Variants in CCSER1 observed in about 807,000 individuals in gnomAD.
The protein encoded by CCSER1 is serine-rich coiled-coil domain-containing protein 1.
CCSER1 carries 41 observed loss-of-function variants against 82.0 expected under a neutral mutation model. The ratio of observed to expected loss-of-function variants is 0.50; its 90% CI spans 0.39 to 0.65. CCSER1 has a LOEUF of 0.65. Ranked by LOEUF, CCSER1 falls within the 30% of genes least tolerant of loss-of-function variation. CCSER1 has a pLI of 0.00. For missense variants in CCSER1, 1,119 were observed against 1,064.2 expected, an observed-to-expected ratio of 1.05 and a Z score of -0.72; for synonymous variants, 414 against 383.9, an observed-to-expected ratio of 1.08 and a Z score of -0.92.
intron 1 of CCSER1, among the ~76,000 whole-genome samples, chr4:90,274,156 C>T (rs1041520389): frequency 3.9e-5 from 6 of 152,066 alleles, no homozygotes; most frequent in Non-Finnish European, 7.4e-5. Context: ...CTGTCTGTCC[C>T]ATCCTCTGAG....
chr4:90,129,690 CAACT>C (rs1560655554), intron 1 of CCSER1, among the ~76,000 whole-genome samples: 1 of 152,252 alleles, frequency 6.6e-6, no homozygotes. Flanking sequence ...CAAAACAAAC[CAACT>C]GTTGTTTGTA....
At chr4:90,704,535 G>A (rs1443178505) in intron 6 of CCSER1, among the ~76,000 whole-genome samples, 1 of 152,128 alleles carries the variant, frequency 6.6e-6, no homozygotes. Context: ...TGCTAGGTTG[G>A]GGAAGTTCTC....
chr4:91,579,246 T>C (rs1163029115), intron 10 of CCSER1, among the ~76,000 whole-genome samples: 1 of 151,668 alleles, frequency 6.6e-6, no homozygotes, highest in Admixed American at 6.6e-5. Context: ...AAAATTTTAT[T>C]TCACATTCAG....
At chr4:91,384,995 T>C (rs1751188053) in intron 10 of CCSER1, among the ~76,000 whole-genome samples, 1 of 151,882 alleles carries the variant, frequency 6.6e-6, no homozygotes, top group African/African-American at 2.4e-5. Flanking sequence ...GAATGAAGAG[T>C]AGTGAAACCC....
At chr4:90,734,945 G>T (rs1745410242) in intron 7 of CCSER1, among the ~76,000 whole-genome samples, 1 of 152,184 alleles carries the variant, frequency 6.6e-6, no homozygotes, top group African/African-American at 2.4e-5. Flanking sequence ...AGCATAAGCT[G>T]TGGGTCTGTC....
At chr4:91,191,407 GTATACT>G (rs1466543928) in intron 10 of CCSER1, among the ~76,000 whole-genome samples, 1 of 152,144 alleles carries the variant, frequency 6.6e-6, no homozygotes, top group Non-Finnish European at 1.5e-5. Context: ...TTGAACATGT[GTATACT>G]TATAACTGCC....
chr4:90,690,657 A>T (rs1735652405), intron 6 of CCSER1, among the ~76,000 whole-genome samples: 1 of 152,034 alleles, frequency 6.6e-6, no homozygotes, highest in Non-Finnish European at 1.5e-5. Flanking sequence ...ATGAGACCAT[A>T]TTCTTTCCTC....
chr4:91,248,069 A>G (rs1044418353), intron 10 of CCSER1, among the ~76,000 whole-genome samples: 3 of 152,168 alleles, frequency 2.0e-5, no homozygotes, highest in Admixed American at 1.3e-4. Context: ...CAACACACAT[A>G]TTGTAGTAAG....
At chr4:90,189,132 G>A (rs1336641253) in intron 1 of CCSER1, among the ~76,000 whole-genome samples, 4 of 152,016 alleles carry the variant, frequency 2.6e-5, no homozygotes, top group Admixed American at 2.0e-4. Flanking sequence ...CTTTGACTGC[G>A]TTTTCATGTA....
intron 9 of CCSER1, among the ~76,000 whole-genome samples, chr4:91,051,981 G>C (rs549165447): frequency 6.6e-6 from 1 of 151,838 alleles, no homozygotes; most frequent in Non-Finnish European, 1.5e-5. Context: ...TAAGCTCAAA[G>C]GAAAAGACAT....
chr4:91,360,105 G>C (rs1207364579), intron 10 of CCSER1, among the ~76,000 whole-genome samples: 1 of 151,760 alleles, frequency 6.6e-6, no homozygotes, highest in Non-Finnish European at 1.5e-5. Context: ...TAATGGTAGT[G>C]TGGCACCATA....
chr4:90,782,576 A>G (rs62313028), intron 7 of CCSER1, among the ~76,000 whole-genome samples: 13 of 152,248 alleles, frequency 8.5e-5, no homozygotes, highest in Non-Finnish European at 1.8e-4. Context: ...AAGGAAATGA[A>G]TGAATTAAAA....
chr4:91,371,622 G>A (rs1297410329), intron 10 of CCSER1, among the ~76,000 whole-genome samples: 5 of 152,090 alleles, frequency 3.3e-5, no homozygotes, highest in Middle Eastern at 6.8e-3. Context: ...ACTGTGGATA[G>A]TGCTTCAATA....
intron 9 of CCSER1, among the ~76,000 whole-genome samples, chr4:90,979,158 T>C (rs1358979438): frequency 6.6e-6 from 1 of 151,258 alleles, no homozygotes; most frequent in Non-Finnish European, 1.5e-5. Context: ...TATATACTTT[T>C]AATTATATTT....
At position 91,433,745 on chromosome 4, in the gene CCSER1, A is replaced by G. The variant is rs142009862; in HGVS notation, c.2218-164827A>G. Among the ~76,000 whole-genome samples the G allele has an allele frequency of 2.8e-3, 426 of 152,320 alleles. 2 individuals carry two copies. The highest frequency in any genetic ancestry group is 9.8e-3 in the African/African-American group (408 of 41,574). ...AAGTACATCTTATGATATGTGCACAACAATGAAATCACCTAACCACGTGTC... is the reference window on the plus strand; with the variant it reads ...AAGTACATCTTATGATATGTGCACAGCAATGAAATCACCTAACCACGTGTC... On this transcript the variant is annotated intron_variant, in intron 10 of 10. Transcript: ENST00000509176.
chr4:90,221,063 C>T (rs1742054602), intron 1 of CCSER1, among the ~76,000 whole-genome samples: 1 of 151,994 alleles, frequency 6.6e-6, no homozygotes, highest in Non-Finnish European at 1.5e-5. Context: ...ATCTTTATGT[C>T]ATTTAATAAG....
intron 10 of CCSER1, among the ~76,000 whole-genome samples, chr4:91,520,791 T>C (rs1760416690): frequency 6.6e-6 from 1 of 152,192 alleles, no homozygotes; most frequent in Non-Finnish European, 1.5e-5. Context: ...GCTGTCCTGT[T>C]ATTTGTAAGA....
chr4:91,580,221 A>G (rs1763662397), intron 10 of CCSER1, among the ~76,000 whole-genome samples: 1 of 151,808 alleles, frequency 6.6e-6, no homozygotes, highest in African/African-American at 2.4e-5. Context: ...AATTTAACAT[A>G]TCCATGGAAA....
At chr4:90,939,880 TTG>T (rs1561396256) in intron 9 of CCSER1, among the ~76,000 whole-genome samples, 1 of 152,254 alleles carries the variant, frequency 6.6e-6, no homozygotes, top group South Asian at 2.1e-4. Flanking sequence ...AAAACATTTT[TTG>T]TTTTTCTAAC....
Sources: allele counts gnomAD v4.1 joint callset (sites outside exome capture counted in the v4.1 genomes callset), GRCh38; gene constraint gnomAD v4.1.1; transcripts MANE v1.5; gene names NCBI Gene and HGNC (gene_info 2026-07-23, HGNC 2026-07-21).